The following XIRP2 variants were observed in gnomAD, a reference collection of about 807,000 sequenced individuals.
XIRP2 encodes xin actin-binding repeat-containing protein 2.
XIRP2 carries 236 observed loss-of-function variants against 277.0 expected under a neutral mutation model. The ratio of observed to expected loss-of-function variants is 0.85; its 90% CI spans 0.77 to 0.95. The LOEUF is 0.95. Among genes scored for constraint, XIRP2 ranks in the 40% least tolerant of loss-of-function variants. The pLI is 0.00. For synonymous variants in XIRP2, 1,490 were observed against 1,416.5 expected, an observed-to-expected ratio of 1.05 and a Z score of -1.17; for missense variants, 4,640 against 4,157.5, an observed-to-expected ratio of 1.12 and a Z score of -3.19.
intron 3 of XIRP2, among the ~76,000 whole-genome samples, chr2:167,174,805 A>C (rs1692790497): frequency 6.6e-6 from 1 of 152,172 alleles, no homozygotes; most frequent in Non-Finnish European, 1.5e-5. Context: ...ACTAGTTTCA[A>C]AGAGCTTATT....
At chr2:167,232,449 A>T (rs1694787423) in intron 5 of XIRP2, among the ~76,000 whole-genome samples, 2 of 151,912 alleles carry the variant, frequency 1.3e-5, no homozygotes, top group Admixed American at 6.6e-5. Context: ...GGAGAAAAAA[A>T]AATGTACATA....
chr2:167,251,238 C>T lies in XIRP2; in HGVS notation c.9846C>T (p.His3282=). 6.2e-7 allele frequency: 1 copy of T among 1,613,564 alleles called. No homozygotes were observed. Among genetic ancestry groups the T allele is most frequent in the South Asian group, 1.1e-5 (1 of 91,070 alleles). ...VHKDGLNSTD[H]MVPDTESYDA... is the part of the protein sequence containing the mutation. ...AAGATGGACTAAATTCCACTGATCA[C>T]ATGGTGCCCGACACTGAAAGTTATG... Residue 3282 remains histidine, a synonymous_variant, in exon 9 of 11, where the codon CAC becomes CAT. Transcript: ENST00000409195.
rs186337731 is a variant in XIRP2, at chr2:167,093,508, C to G, written c.409-42401C>G. Among the ~76,000 whole-genome samples, 15 of 152,148 alleles carry G rather than the reference C, an allele frequency of 9.9e-5. 1 individual carries two copies. The highest frequency in any genetic ancestry group is 9.2e-4 in the Admixed American group (14 of 15,282). ...ACAGGCCCCAGTGTGTGATGTTCCC[C>G]TCCCTGTGCCCACATGTTCTCATTG... is the stretch of plus-strand genomic sequence containing the variant. On this transcript the variant is annotated intron_variant, in intron 2 of 10. Transcript: ENST00000409195.
intron 2 of XIRP2, among the ~76,000 whole-genome samples, chr2:167,118,032 C>T (rs1203099548): frequency 6.6e-6 from 1 of 152,108 alleles, no homozygotes; most frequent in Non-Finnish European, 1.5e-5. Flanking sequence ...CAATATCTGG[C>T]TTTGGCATAC....
chr2:167,056,005 A>G (rs994385996), intron 2 of XIRP2, among the ~76,000 whole-genome samples: 1 of 152,176 alleles, frequency 6.6e-6, no homozygotes, highest in African/African-American at 2.4e-5. Context: ...GGGTTCAGTA[A>G]ATACCTTCTT....
intron 3 of XIRP2, among the ~76,000 whole-genome samples, chr2:167,201,242 GAAAGAAAGAA>G (rs1693696600): frequency 1.0e-5 from 1 of 98,828 alleles, no homozygotes; most frequent in East Asian, 3.6e-4. Flanking sequence ...AAGAAAGAAA[GAAAGAAAGAA>G]AGAAAGAAAG....
At chr2:166,899,870 A>C (rs1193404630) in intron 1 of XIRP2, among the ~76,000 whole-genome samples, 2 of 152,032 alleles carry the variant, frequency 1.3e-5, no homozygotes. Context: ...ACAGTGCATT[A>C]CCGTCCTATG....
intron 3 of XIRP2, among the ~76,000 whole-genome samples, chr2:167,145,559 C>A (rs1295679508): frequency 6.6e-6 from 1 of 151,996 alleles, no homozygotes; most frequent in Non-Finnish European, 1.5e-5. Context: ...AATATGAAAT[C>A]CCAGAAATGT....
At chr2:166,941,041 A>T (rs998176843) in intron 2 of XIRP2, among the ~76,000 whole-genome samples, 8 of 152,092 alleles carry the variant, frequency 5.3e-5, no homozygotes, top group Admixed American at 3.9e-4. Context: ...TTGCCCCGAG[A>T]GGTGGAGTCT....
At chr2:167,135,810 T>A in intron 2 of XIRP2, 99 bp from the exon 3 acceptor site, 1 of 1,183,058 alleles carries the variant, frequency 8.5e-7, no homozygotes, top group Non-Finnish European at 1.1e-6. Context: ...ATGACAGAAA[T>A]CCCTCCCTCT....
intron 3 of XIRP2, among the ~76,000 whole-genome samples, chr2:167,156,618 A>C (rs556803227): frequency 1.2e-4 from 19 of 152,330 alleles, no homozygotes; most frequent in Admixed American, 1.0e-3. Flanking sequence ...TTACCATTTG[A>C]GTGAATATAT....
At chr2:167,040,411 G>T (rs1688631060) in intron 2 of XIRP2, among the ~76,000 whole-genome samples, 1 of 152,068 alleles carries the variant, frequency 6.6e-6, no homozygotes, top group Admixed American at 6.6e-5. Flanking sequence ...CCTGGGGAAG[G>T]GGTGAGTGAA....
At chr2:167,090,039 T>C (rs1455228428) in intron 2 of XIRP2, among the ~76,000 whole-genome samples, 1 of 152,154 alleles carries the variant, frequency 6.6e-6, no homozygotes, top group Non-Finnish European at 1.5e-5. Context: ...TTGTATTCTA[T>C]AAATCAGATC....
chr2:166,983,487 T>G (rs2105436450), intron 2 of XIRP2, among the ~76,000 whole-genome samples: 1 of 152,354 alleles, frequency 6.6e-6, no homozygotes, highest in South Asian at 2.1e-4. Flanking sequence ...TATATCTAGA[T>G]TACTACCTAA....
At chr2:167,219,748 A>G (rs1386267109) in intron 5 of XIRP2, among the ~76,000 whole-genome samples, 1 of 152,214 alleles carries the variant, frequency 6.6e-6, no homozygotes, top group East Asian at 1.9e-4. Context: ...GACCAAATTC[A>G]TAACCCCCTC....
chr2:167,099,871 G>C lies in XIRP2; in HGVS notation c.409-36038G>C, dbSNP rs182652151. ...AACCAGTCCCAATGAAATGAACCAG[G>C]TACCTCAGTTGAAAATGCAGAGATC... is the stretch of plus-strand genomic sequence containing the variant. On this transcript the variant is annotated intron_variant, in intron 2 of 10. Transcript: ENST00000409195. 8.4e-4 allele frequency among the ~76,000 whole-genome samples: 127 copies of C among 152,066 alleles called. 1 individual carries two copies. Among genetic ancestry groups the C allele is most frequent in the Admixed American group, 6.5e-3 (99 of 15,248 alleles).
intron 2 of XIRP2, among the ~76,000 whole-genome samples, chr2:167,008,014 G>A (rs1378199427): frequency 6.6e-6 from 1 of 151,338 alleles, no homozygotes; most frequent in South Asian, 2.1e-4. Flanking sequence ...TTGTATTCCA[G>A]TTATGTATTT....
chr2:167,049,118 T>A (rs1235945807), intron 2 of XIRP2, among the ~76,000 whole-genome samples: 1 of 151,786 alleles, frequency 6.6e-6, no homozygotes, highest in Admixed American at 6.6e-5. Flanking sequence ...TCTCTCTGTG[T>A]CTTTCTCTCT....
intron 2 of XIRP2, among the ~76,000 whole-genome samples, chr2:166,988,348 G>A (rs1258848493): frequency 6.6e-6 from 1 of 152,076 alleles, no homozygotes; most frequent in Non-Finnish European, 1.5e-5. Flanking sequence ...AAAGACTGAG[G>A]AACTTTCAGA....
Sources: allele counts gnomAD v4.1 joint callset (sites outside exome capture counted in the v4.1 genomes callset), GRCh38; gene constraint gnomAD v4.1.1; transcripts MANE v1.5; gene names NCBI Gene and HGNC (gene_info 2026-07-23, HGNC 2026-07-21).